Variants in KHDRBS3 observed in about 807,000 individuals in gnomAD.
KHDRBS3 encodes the protein KH RNA binding domain containing, signal transduction associated 3.
A neutral mutation model predicts 45.6 loss-of-function variants in KHDRBS3; 23 were observed. The ratio of observed to expected loss-of-function variants is 0.50; its 90% confidence interval spans 0.36 to 0.72. The LOEUF (loss-of-function observed/expected upper bound fraction) is 0.72. Among genes scored for constraint, KHDRBS3 ranks in the 30% least tolerant of loss-of-function variants. The pLI is 0.00. For missense variants in KHDRBS3, 352 were observed against 424.8 expected (o/e 0.83, Z 1.51); for synonymous variants, 162 against 156.5 (o/e 1.04, Z -0.26).
chr8:135,530,073 G>A (rs1453752798), intron 2 of KHDRBS3, among the ~76,000 whole-genome samples: 6 of 140,570 alleles, frequency 4.3e-5, no homozygotes, highest in African/African-American at 1.6e-4. Context: ...AAAAAAAAAA[G>A]AAATTAAAGT....
At chr8:135,505,832 T>C (rs1257902208) in intron 1 of KHDRBS3, among the ~76,000 whole-genome samples, 1 of 150,214 alleles carries the variant, frequency 6.7e-6, no homozygotes, top group Non-Finnish European at 1.5e-5. Flanking sequence ...TCTGGGAATG[T>C]AGGGTAAAAA....
chr8:135,580,976 G>A (rs1449917404), intron 5 of KHDRBS3, among the ~76,000 whole-genome samples: 1 of 152,144 alleles, frequency 6.6e-6, no homozygotes, highest in African/African-American at 2.4e-5. Context: ...CTGTCTAGAG[G>A]TTTATCAATT....
At chr8:135,616,188 T>G (rs960591121) in intron 7 of KHDRBS3, among the ~76,000 whole-genome samples, 1 of 152,204 alleles carries the variant, frequency 6.6e-6, no homozygotes, top group South Asian at 2.1e-4. Context: ...CATTCCTTAA[T>G]TTTACAAAAG....
intron 7 of KHDRBS3, among the ~76,000 whole-genome samples, chr8:135,622,799 T>C (rs1431474361): frequency 6.6e-6 from 1 of 152,160 alleles, no homozygotes; most frequent in Non-Finnish European, 1.5e-5. Context: ...TTCCATGCCT[T>C]GACACCCAGT....
chr8:135,552,878 C>T (rs989901236), intron 4 of KHDRBS3, among the ~76,000 whole-genome samples: 3 of 152,148 alleles, frequency 2.0e-5, no homozygotes, highest in East Asian at 1.9e-4. Flanking sequence ...TTCCATCCTC[C>T]GATGATGGAG....
chr8:135,547,344 GT>G (rs1464508297), intron 3 of KHDRBS3, among the ~76,000 whole-genome samples: 1 of 152,148 alleles, frequency 6.6e-6, no homozygotes, highest in African/African-American at 2.4e-5. Context: ...GTACTAGGTA[GT>G]ATATACACTG....
intron 5 of KHDRBS3, among the ~76,000 whole-genome samples, chr8:135,574,801 A>C (rs989051248): frequency 2.0e-5 from 3 of 152,224 alleles, no homozygotes; most frequent in Non-Finnish European, 4.4e-5. Context: ...TTATATCACC[A>C]TTACCGTTCA....
chr8:135,496,406 T>A (rs1563722230), intron 1 of KHDRBS3, among the ~76,000 whole-genome samples: 1 of 151,992 alleles, frequency 6.6e-6, no homozygotes, highest in Non-Finnish European at 1.5e-5. Flanking sequence ...CTAATTTTTG[T>A]ATTTTTAGTA....
chr8:135,549,524 A>G (rs559417501), intron 4 of KHDRBS3: 2 of 152,332 alleles, frequency 1.3e-5, no homozygotes, highest in South Asian at 2.1e-4. Context: ...GGATGTGACA[A>G]TTTAAAGGGA....
intron 1 of KHDRBS3, among the ~76,000 whole-genome samples, chr8:135,485,223 C>G (rs1216860461): frequency 6.6e-6 from 1 of 152,192 alleles, no homozygotes; most frequent in Non-Finnish European, 1.5e-5. Flanking sequence ...CCAGCACCTA[C>G]AGCAGTGACT....
intron 1 of KHDRBS3, among the ~76,000 whole-genome samples, chr8:135,514,667 T>TA (rs1486737246): frequency 7.2e-5 from 11 of 152,210 alleles, no homozygotes; most frequent in African/African-American, 2.7e-4. Context: ...ACAGCACACT[T>TA]AAAAATGGTT....
At chr8:135,501,365 C>T (rs1030502742) in intron 1 of KHDRBS3, among the ~76,000 whole-genome samples, 5 of 152,184 alleles carry the variant, frequency 3.3e-5, no homozygotes, top group African/African-American at 1.2e-4. Flanking sequence ...AAATACCAGT[C>T]ATGATATGGA....
intron 6 of KHDRBS3, among the ~76,000 whole-genome samples, chr8:135,603,549 C>G (rs760153561): frequency 6.6e-6 from 1 of 152,184 alleles, no homozygotes; most frequent in Non-Finnish European, 1.5e-5. Context: ...ATATTCATGA[C>G]TTCTGTTATT....
rs1276604192 is a variant in KHDRBS3 at position 135,647,139 on chromosome 8, C to A, written c.*55C>A. The A allele has an allele frequency of 2.6e-6, 2 of 768,202 alleles. No individual in the cohort carries two copies. The highest frequency in any genetic ancestry group is 4.0e-5 in the South Asian group (2 of 50,216). 47.6% of individuals were successfully genotyped at this position (768,202 alleles called of 1,614,324 possible). On this transcript the variant is annotated 3_prime_UTR_variant, in exon 9 of 9. Transcript: ENST00000355849. ...ATCTCCACCAGTCCTGTATACTGTT[C>A]AAAGTAATTTTTTTCTATGAACAAT... is the stretch of plus-strand genomic sequence containing the variant.
At chr8:135,494,168 A>C (rs1275992682) in intron 1 of KHDRBS3, among the ~76,000 whole-genome samples, 1 of 151,382 alleles carries the variant, frequency 6.6e-6, no homozygotes, top group Non-Finnish European at 1.5e-5. Context: ...AATTTTATTG[A>C]GCTTTCCAAA....
intron 1 of KHDRBS3, 50 bp from the exon 2 acceptor site, chr8:135,521,187 C>A: frequency 9.3e-7 from 1 of 1,078,572 alleles, no homozygotes; most frequent in Non-Finnish European, 1.4e-6. Context: ...AACACCCAGC[C>A]CCTGCATTTC....
intron 1 of KHDRBS3, among the ~76,000 whole-genome samples, chr8:135,515,352 C>A (rs538110554): frequency 2.2e-5 from 2 of 92,846 alleles, no homozygotes; most frequent in Non-Finnish European, 4.3e-5. Context: ...GGCGACAGAG[C>A]GAGACTCCGT....
At chr8:135,552,922 G>C (rs1467707401) in intron 4 of KHDRBS3, among the ~76,000 whole-genome samples, 1 of 152,056 alleles carries the variant, frequency 6.6e-6, no homozygotes, top group Non-Finnish European at 1.5e-5. Context: ...GATCCAAGAA[G>C]ACTCTCGCCA....
intron 4 of KHDRBS3, among the ~76,000 whole-genome samples, chr8:135,653,775 G>A (rs1051613081): frequency 4.6e-5 from 7 of 152,200 alleles, no homozygotes; most frequent in African/African-American, 1.7e-4. Flanking sequence ...TAATGTTTTT[G>A]ACTTACAGTG....
Sources: gnomAD v4.1 joint callset for allele counts (sites outside exome capture counted in the v4.1 genomes callset) on GRCh38, gnomAD v4.1.1 for gene constraint, MANE v1.5 for transcripts, NCBI Gene and HGNC (gene_info 2026-07-23, HGNC 2026-07-21) for gene names.